TICRR: variants seen among roughly 807,000 people sequenced by gnomAD.
TICRR encodes treslin.
In TICRR, 132 loss-of-function variants were observed where a neutral mutation model predicts 178.1. The observed-to-expected ratio is 0.74, with a 90% CI of 0.64 to 0.86. TICRR has a LOEUF of 0.86. Ranked by LOEUF, TICRR falls within the 40% of genes least tolerant of loss-of-function variation. TICRR has a pLI of 0.00. For missense variants in TICRR, 2,587 were observed against 2,334.3 expected (o/e 1.11, Z -2.23); for synonymous variants, 991 against 900.7 (o/e 1.10, Z -1.79).
chr15:89,586,894 AGT>A (rs1962832775), intron 4 of TICRR, among the ~76,000 whole-genome samples: 1 of 152,128 alleles, frequency 6.6e-6, no homozygotes, highest in Admixed American at 6.5e-5. Context: ...TTTTACTGTG[AGT>A]GAGAGAGGAA....
In TICRR at chr15:89,608,944, A is replaced by AC; in HGVS notation, c.2865dup (p.Lys956GlnfsTer9). ...GATAAACTTGACAACTTCAAGAAGA[A>AC]CAAAGGTACCACATTTCAGAATAGC... On this transcript the variant is annotated frameshift_variant, in exon 15 of 22. Transcript: ENST00000268138. LOFTEE classifies it high-confidence loss of function. 1 of 1,593,738 alleles carries AC rather than the reference A, an allele frequency of 6.3e-7. No individual in the cohort carries two copies. The highest frequency in any genetic ancestry group is 8.5e-7 in the Non-Finnish European group (1 of 1,173,874).
chr15:89,588,112 C>T (rs1355761174), intron 4 of TICRR, among the ~76,000 whole-genome samples: 4 of 151,976 alleles, frequency 2.6e-5, no homozygotes, highest in Admixed American at 6.6e-5. Context: ...TGTGAGTGTA[C>T]GGGGTTCTCT....
intron 1 of TICRR, 60 bp downstream of exon 1, chr15:89,576,300 C>T: frequency 6.9e-7 from 1 of 1,448,532 alleles, no homozygotes; most frequent in Non-Finnish European, 9.1e-7. Context: ...CTAACCAGAA[C>T]TTGGCAGCGT....
chr15:89,583,902 G>T (rs1443536603), intron 2 of TICRR, among the ~76,000 whole-genome samples: 1 of 152,094 alleles, frequency 6.6e-6, no homozygotes, highest in East Asian at 1.9e-4. Flanking sequence ...GCCCAGGCTG[G>T]TCTTCAACTC....
Position 89,625,100 on chromosome 15 carries a change from G to C in TICRR, c.4790G>C (p.Gly1597Ala). 1.2e-6 allele frequency: 2 copies of C among 1,613,798 alleles called. No homozygotes were observed. The highest frequency in any genetic ancestry group is 8.5e-7 in the Non-Finnish European group (1 of 1,179,890). Residue 1597 changes from glycine to alanine, a missense_variant, in exon 20 of 22, where the codon GGA (glycine) becomes GCA (alanine). Physicochemically the swap from Gly to Ala is moderately conservative, Grantham distance 60 (BLOSUM62 0). Coordinates refer to ENST00000268138, the MANE Select transcript of TICRR (RefSeq NM_152259.4). ...CTCAGCAAGGAGGAGAGCTCTCTGG[G>C]AGAAGAGAGCTTCCTCCCTGCTCTC... ...EPLSKEESSL[G>A]EESFLPALSM...
At chr15:89,591,851 A>G (rs377507411) in intron 4 of TICRR, 196 bp from the exon 5 acceptor site, 17 of 432,294 alleles carry the variant, frequency 3.9e-5, no homozygotes, top group South Asian at 3.1e-4. Context: ...TTGTGTCTGT[A>G]TGTTTTTCAG....
At chr15:89,610,164 G>C (rs535454951) in intron 15 of TICRR, among the ~76,000 whole-genome samples, 5 of 152,288 alleles carry the variant, frequency 3.3e-5, no homozygotes, top group East Asian at 1.9e-4. Flanking sequence ...CTATCCTGGA[G>C]AATGTTTAAT....
chr15:89,624,763 G>T lies in TICRR; in HGVS notation c.4453G>T (p.Val1485Leu), dbSNP rs1026207241. The change falls in exon 20 of 22, where the codon GTG becomes TTG. Residue 1485 changes from valine (V) to leucine (L), a missense_variant. By Grantham distance (32) the Val-to-Leu change is conservative. Transcript: ENST00000268138. ...IGDLKSNVLS[V>L]EEGEGLRTAD... ...TGACTTGAAAAGTAACGTCTTATCA[G>T]TGGAAGAGGGTGAGGGGCTAAGGAC... 1.2e-6 allele frequency: 2 copies of T among 1,614,104 alleles called. No individual in the cohort carries two copies. The highest frequency in any genetic ancestry group is 1.7e-6 in the Non-Finnish European group (2 of 1,180,044).
At chr15:89,602,062 G>T (rs1039304482) in intron 12 of TICRR, 86 bp downstream of exon 12, 1 of 1,517,770 alleles carries the variant, frequency 6.6e-7, no homozygotes, top group Admixed American at 1.9e-5. Context: ...AGTCATCTTT[G>T]TCCATATAAT....
Position 89,594,404 on chromosome 15 carries a change from T to C in TICRR, c.1542-11T>C, listed in dbSNP as rs771487565. 18 of 1,594,744 alleles carry C rather than the reference T, an allele frequency of 1.1e-5. No homozygotes were observed. Among genetic ancestry groups the C allele is most frequent in the Non-Finnish European group, 1.5e-5 (17 of 1,171,182 alleles). ...AATGTTGGTTTTATTCTAGACATCT[T>C]GACTTCACAGGTTACTACAGGCTGC... is the stretch of plus-strand genomic sequence containing the variant. On this transcript the variant is annotated splice_polypyrimidine_tract_variant and intron_variant, in intron 5 of 21. Coordinates refer to ENST00000268138, the MANE Select transcript of TICRR (RefSeq NM_152259.4).
chr15:89,583,016 T>G (rs764297680), intron 2 of TICRR, 51 bp downstream of exon 2: 14 of 1,512,766 alleles, frequency 9.3e-6, no homozygotes, highest in Non-Finnish European at 1.2e-5. Flanking sequence ...TCAGTTACAT[T>G]AATTTCTTCA....
At chr15:89,622,579 T>G (rs1223544892) in intron 19 of TICRR, among the ~76,000 whole-genome samples, 1 of 152,172 alleles carries the variant, frequency 6.6e-6, no homozygotes, top group African/African-American at 2.4e-5. Flanking sequence ...GCTTGGAGGT[T>G]GGGAAAGACA....
At position 89,601,296 on chromosome 15, in the gene TICRR, A is replaced by C; in HGVS notation, c.2154-2A>C. On this transcript the variant is annotated splice_acceptor_variant, in intron 9 of 21. Transcript: ENST00000268138. LOFTEE classifies it high-confidence loss of function. Reference sequence around the variant, plus strand: ...TATGACCAAGTATTTTTTTCTCTCAAGGTGCCAGCTTCAGGTATTTCTTCG... The same window carrying C: ...TATGACCAAGTATTTTTTTCTCTCACGGTGCCAGCTTCAGGTATTTCTTCG... The C allele has an allele frequency of 6.2e-7, 1 of 1,613,346 alleles. No homozygotes were observed. The highest frequency in any genetic ancestry group is 8.5e-7 in the Non-Finnish European group (1 of 1,179,712).
intron 15 of TICRR, among the ~76,000 whole-genome samples, chr15:89,613,355 C>T (rs188448438): frequency 2.2e-4 from 33 of 152,232 alleles, no homozygotes; most frequent in Non-Finnish European, 4.4e-4. Context: ...TCAAGATCTT[C>T]TTTTTTTCAC....
chr15:89,593,421 C>G (rs1198943371), intron 5 of TICRR, among the ~76,000 whole-genome samples: 1 of 152,012 alleles, frequency 6.6e-6, no homozygotes, highest in Non-Finnish European at 1.5e-5. Flanking sequence ...ATAGAAAATC[C>G]AGGCCCGGCA....
rs1320110966 is a variant in TICRR at position 89,623,811 on chromosome 15, A to G, written c.3501A>G (p.Ser1167=). The change falls in exon 20 of 22, where the codon TCA becomes TCG. Residue 1167 remains serine (S), a synonymous_variant. Transcript: ENST00000268138. ...LKDSSSPGHD[S]PLDSKITPQK... ...ACTCCTCCTCACCCGGCCATGACTCACCATTGGATTCAAAAATCACTCCTC... is the reference window on the plus strand; with the variant it reads ...ACTCCTCCTCACCCGGCCATGACTCGCCATTGGATTCAAAAATCACTCCTC... 6.2e-7 allele frequency: 1 copy of G among 1,613,740 alleles called. No individual in the cohort carries two copies. Among genetic ancestry groups the G allele is most frequent in the Non-Finnish European group, 8.5e-7 (1 of 1,180,014 alleles).
Position 89,625,401 on chromosome 15 carries a change from C to T in TICRR, c.5091C>T (p.Gly1697=). 6.2e-7 allele frequency: 1 copy of T among 1,613,982 alleles called. No homozygotes were observed. The highest frequency in any genetic ancestry group is 8.5e-7 in the Non-Finnish European group (1 of 1,179,990). Residue 1697 remains glycine, a synonymous_variant, in exon 20 of 22, where the codon GGC becomes GGT. Coordinates refer to ENST00000268138, the MANE Select transcript of TICRR (RefSeq NM_152259.4). ...AGAGGGCGGTGGGCTGTGGCGCCGG[C>T]TCCTCTTCCGGGAGGGGCGAGGTCG... ...RRKRAVGCGA[G]SSSGRGEVGA... is the part of the protein sequence containing the mutation.
rs145064587 is a variant in TICRR at position 89,627,049 on chromosome 15, G to A, written c.5696G>A (p.Arg1899Gln). 2.1e-5 allele frequency: 34 copies of A among 1,613,958 alleles called. No homozygotes were observed. The highest frequency in any genetic ancestry group is 3.3e-5 in the Admixed American group (2 of 59,994). ...RRRPISRTYT[R>Q]KKLMGTWLED... is the part of the protein sequence containing the mutation. ...CGCCCCATCAGCAGAACTTATACAC[G>A]GAAGAAGCTCATGGGAACCTGGCTG... The change falls in exon 22 of 22, where the codon CGG becomes CAG. Residue 1899 changes from arginine to glutamine, a missense_variant. Coordinates refer to ENST00000268138, the MANE Select transcript of TICRR (RefSeq NM_152259.4).
intron 15 of TICRR, among the ~76,000 whole-genome samples, chr15:89,613,220 C>A (rs1377699326): frequency 1.3e-5 from 2 of 152,186 alleles, no homozygotes. Flanking sequence ...TCCTGGTTGG[C>A]AGTCTTTTTT....
Sources: gnomAD v4.1 joint callset for allele counts (sites outside exome capture counted in the v4.1 genomes callset) on GRCh38, gnomAD v4.1.1 for gene constraint, MANE v1.5 for transcripts, NCBI Gene and HGNC (gene_info 2026-07-23, HGNC 2026-07-21) for gene names.